Variants in KLHL2 observed in about 807,000 individuals in gnomAD.
KLHL2 encodes kelch like family member 2.
A neutral mutation model predicts 75.8 loss-of-function variants in KLHL2; 15 were observed. The ratio of observed to expected loss-of-function variants is 0.20; its 90% CI spans 0.13 to 0.30. The LOEUF is 0.30. Ranked by LOEUF, KLHL2 falls within the 10% of genes least tolerant of loss-of-function variation. The pLI is 1.00. For missense variants in KLHL2, 381 were observed against 741.0 expected (o/e 0.51, Z 5.64); for synonymous variants, 214 against 251.9 (o/e 0.85, Z 1.42).
chr4:165,294,635 G>A (rs1560814027), intron 6 of KLHL2, among the ~76,000 whole-genome samples, 167 bp downstream of exon 6: 1 of 151,228 alleles, frequency 6.6e-6, no homozygotes, highest in Non-Finnish European at 1.5e-5. Context: ...GATTCCAGGA[G>A]AAAAAAAAGA....
chr4:165,251,671 G>A (rs1230995216), intron 4 of KLHL2, among the ~76,000 whole-genome samples: 8 of 148,432 alleles, frequency 5.4e-5, no homozygotes, highest in Non-Finnish European at 1.0e-4. Context: ...GTGCAGTGGC[G>A]GGATCTCGGC....
At chr4:165,298,765 G>A (rs986799276) in intron 7 of KLHL2, among the ~76,000 whole-genome samples, 3 of 151,958 alleles carry the variant, frequency 2.0e-5, no homozygotes, top group South Asian at 2.1e-4. Flanking sequence ...GTGAATCCCC[G>A]TCTCTACTAA....
intron 14 of KLHL2, among the ~76,000 whole-genome samples, chr4:165,320,309 T>A (rs1746871876): frequency 6.6e-6 from 1 of 152,160 alleles, no homozygotes; most frequent in Admixed American, 6.5e-5. Context: ...GAAGGGAAAA[T>A]ATAAATACCA....
At chr4:165,227,559 A>G (rs928848131) in intron 2 of KLHL2, among the ~76,000 whole-genome samples, 3 of 152,218 alleles carry the variant, frequency 2.0e-5, no homozygotes, top group Non-Finnish European at 4.4e-5. Context: ...TGTGACCTGC[A>G]TGCACTATGC....
At chr4:165,305,952 G>A (rs1745697585) in intron 9 of KLHL2, among the ~76,000 whole-genome samples, 1 of 152,176 alleles carries the variant, frequency 6.6e-6, no homozygotes, top group Non-Finnish European at 1.5e-5. Flanking sequence ...TGTAAGGTGG[G>A]AGAGCTAGTA....
intron 4 of KLHL2, among the ~76,000 whole-genome samples, chr4:165,250,149 G>C (rs1481972195): frequency 6.6e-6 from 1 of 151,726 alleles, no homozygotes; most frequent in Non-Finnish European, 1.5e-5. Context: ...AGTTTGTTCT[G>C]ACAGAGACTA....
At chr4:165,226,883 G>T (rs1184497610) in intron 2 of KLHL2, among the ~76,000 whole-genome samples, 1 of 152,086 alleles carries the variant, frequency 6.6e-6, no homozygotes, top group Non-Finnish European at 1.5e-5. Context: ...TCTAGTTGGA[G>T]GACTTTAACC....
At chr4:165,281,725 A>T (rs1378207910) in intron 5 of KLHL2, among the ~76,000 whole-genome samples, 1 of 152,186 alleles carries the variant, frequency 6.6e-6, no homozygotes, top group Non-Finnish European at 1.5e-5. Context: ...TGCTTTAGAG[A>T]GTAATGAGCA....
At chr4:165,293,932 CT>C (rs1744716072) in intron 5 of KLHL2, among the ~76,000 whole-genome samples, 1 of 152,128 alleles carries the variant, frequency 6.6e-6, no homozygotes, top group East Asian at 1.9e-4. Flanking sequence ...GAACAACCCT[CT>C]AATGTTTCAC....
rs569942150 is a variant in KLHL2, at chr4:165,214,102, C to T, written c.27-5832C>T. ...GCATAGACAGAACTACAATTTTGGG[C>T]TTCTTTCTGATTCTGGTTCTCATCT... On this transcript the variant is annotated intron_variant, in intron 1 of 14. Transcript: ENST00000226725. Among the ~76,000 whole-genome samples, 13 of 152,236 alleles carry T rather than the reference C, an allele frequency of 8.5e-5. No homozygotes were observed. In the East Asian group the frequency reaches 1.5e-3, roughly 18 times the overall value.
intron 2 of KLHL2, among the ~76,000 whole-genome samples, chr4:165,228,012 C>G (rs532531289): frequency 6.6e-6 from 1 of 151,922 alleles, no homozygotes; most frequent in African/African-American, 2.4e-5. Flanking sequence ...ATTCTTGTGT[C>G]TCAGCCTCCT....
intron 4 of KLHL2, among the ~76,000 whole-genome samples, chr4:165,239,886 A>G (rs1280610322): frequency 2.0e-5 from 3 of 151,656 alleles, no homozygotes; most frequent in South Asian, 4.2e-4. Flanking sequence ...TTTTTACATA[A>G]GAAATACTAT....
At position 165,299,600 on chromosome 4, in the gene KLHL2, C is replaced by T. The variant is rs1745193012; in HGVS notation, c.865C>T (p.Arg289Cys). The T allele has an allele frequency of 1.9e-6, 3 of 1,613,820 alleles. No individual in the cohort carries two copies. The highest frequency in any genetic ancestry group is 2.5e-6 in the Non-Finnish European group (3 of 1,179,876). ...MKYHLLPTEQRILMKSVRTRL... is the reference protein window; with the variant it reads ...MKYHLLPTEQCILMKSVRTRL... The stretch of plus-strand genomic sequence containing the variant: ...GTACCATTTGCTGCCAACAGAGCAG[C>T]GTATATTAATGAAGAGTGTCCGGAC... The change falls in exon 8 of 15, where the codon CGT (arginine) becomes TGT (cysteine). Residue 289 changes from arginine (R) to cysteine (C), a missense_variant. By Grantham distance (180) the Arg-to-Cys change is radical (BLOSUM62 -3). Coordinates refer to ENST00000226725, the MANE Select transcript of KLHL2 (RefSeq NM_007246.4).
intron 4 of KLHL2, among the ~76,000 whole-genome samples, chr4:165,239,648 A>G (rs1016328898): frequency 2.6e-5 from 4 of 152,182 alleles, no homozygotes; most frequent in Non-Finnish European, 2.9e-5. Flanking sequence ...CTTATTTTCT[A>G]TAAAGAACAA....
At chr4:165,250,879 T>G (rs1316710050) in intron 4 of KLHL2, among the ~76,000 whole-genome samples, 2 of 152,178 alleles carry the variant, frequency 1.3e-5, no homozygotes, top group African/African-American at 4.8e-5. Context: ...TCTCTCCCTC[T>G]TGTGCATTTG....
intron 4 of KLHL2, among the ~76,000 whole-genome samples, chr4:165,250,055 C>T (rs1297763253): frequency 4.0e-5 from 6 of 151,066 alleles, no homozygotes; most frequent in African/African-American, 7.3e-5. Flanking sequence ...ACCCAGGAGG[C>T]GGAGCTTGCA....
At chr4:165,221,321 A>G (rs1200181280) in intron 2 of KLHL2, among the ~76,000 whole-genome samples, 1 of 152,246 alleles carries the variant, frequency 6.6e-6, no homozygotes, top group South Asian at 2.1e-4. Context: ...TGGTCAGGAA[A>G]GGCTTTCTTG....
At chr4:165,245,326 C>T (rs146700006) in intron 4 of KLHL2, among the ~76,000 whole-genome samples, 88 of 152,220 alleles carry the variant, frequency 5.8e-4, no homozygotes, top group African/African-American at 1.9e-3. Context: ...TCAGGACTTT[C>T]GTGGTGTTGG....
At chr4:165,224,319 A>G (rs1168149772) in intron 2 of KLHL2, among the ~76,000 whole-genome samples, 1 of 152,166 alleles carries the variant, frequency 6.6e-6, no homozygotes, top group African/African-American at 2.4e-5. Context: ...TGGGGGCACA[A>G]CCTATTAGCT....
Sources: gnomAD v4.1 joint callset for allele counts (sites outside exome capture counted in the v4.1 genomes callset) on GRCh38, gnomAD v4.1.1 for gene constraint, MANE v1.5 for transcripts, NCBI Gene and HGNC (gene_info 2026-07-23, HGNC 2026-07-21) for gene names.